Variants in SPACA6 observed in about 807,000 individuals in gnomAD.
The protein encoded by SPACA6 is sperm acrosome membrane-associated protein 6.
For missense variants in SPACA6, 8 were observed against 2.8 expected, an observed-to-expected ratio of 2.88 and a Z score of -1.34; for synonymous variants, 6 against 1.5, an observed-to-expected ratio of 4.05 and a Z score of -2.21.
At chr19:51,709,627 A>AAG (rs1555793772), downstream of SPACA6, among the ~76,000 whole-genome samples, 73 of 151,556 alleles carry the variant, frequency 4.8e-4, no homozygotes, top group East Asian at 1.5e-3. Flanking sequence ...AAAAAAAAAA[A>AAG]AAAAGAAAAG....
At chr19:51,709,353 C>T (rs1290879849), downstream of SPACA6, among the ~76,000 whole-genome samples, 2 of 151,414 alleles carry the variant, frequency 1.3e-5, no homozygotes, top group South Asian at 4.2e-4. Flanking sequence ...CCCCATCTCT[C>T]CTAAAAATAA....
chr19:51,691,989 G>T (rs529489017), upstream of SPACA6, among the ~76,000 whole-genome samples: 11 of 152,308 alleles, frequency 7.2e-5, no homozygotes, highest in South Asian at 2.3e-3. Context: ...TCTCTGGAGT[G>T]GGAGGTGTCA....
rs1479739945 is a variant in SPACA6 at position 51,703,421 on chromosome 19, G to A, written c.573+84G>A. On this transcript the variant is annotated intron_variant, in intron 6 of 8. Transcript: ENST00000637797. The surrounding 1 kb of genome is among the most constrained non-coding windows in gnomAD (Gnocchi z 4.2). ...GGTTGGGGAGTCAGCTTGCGGGGAC[G>A]GGACTCCGGGAATCTCCGTCTAGAC... The A allele has an allele frequency of 2.5e-6, 1 of 398,330 alleles. No homozygotes were observed. Among genetic ancestry groups the A allele is most frequent in the Non-Finnish European group, 4.4e-6 (1 of 225,714 alleles). 24.7% of individuals were successfully genotyped at this position (398,330 alleles called of 1,614,324 possible). A position where few individuals can be genotyped will look rare whatever the true frequency, so the allele number is the denominator to read the frequency against.
intron 2 of SPACA6, among the ~76,000 whole-genome samples, chr19:51,710,633 G>A (rs1017125417): frequency 3.9e-5 from 6 of 152,196 alleles, no homozygotes; most frequent in Admixed American, 3.9e-4. Context: ...GATCTGTTTG[G>A]GAGTCCCGTC....
upstream of SPACA6, chr19:51,687,028 A>G (rs1286327674): frequency 6.6e-6 from 1 of 152,170 alleles, no homozygotes; most frequent in Non-Finnish European, 1.5e-5. Context: ...TGGCTCAGCC[A>G]AGGTGGGAGG....
At chr19:51,710,052 C>G (rs2083535039), downstream of SPACA6, among the ~76,000 whole-genome samples, 1 of 152,162 alleles carries the variant, frequency 6.6e-6, no homozygotes, top group African/African-American at 2.4e-5. Flanking sequence ...AATCCATAAT[C>G]TTAGGTAGCT....
chr19:51,709,961 A>T (rs2083534579), downstream of SPACA6, among the ~76,000 whole-genome samples: 3 of 152,230 alleles, frequency 2.0e-5, no homozygotes, highest in Non-Finnish European at 4.4e-5. Flanking sequence ...AATATTCTAG[A>T]TCTGCACCGT....
At chr19:51,701,931 G>A (rs1161657527) in intron 3 of SPACA6, among the ~76,000 whole-genome samples, 1 of 152,180 alleles carries the variant, frequency 6.6e-6, no homozygotes, top group Non-Finnish European at 1.5e-5. Flanking sequence ...AATTAGCTGG[G>A]CGTGGTAACG....
intron 2 of SPACA6, among the ~76,000 whole-genome samples, 194 bp from the exon 3 acceptor site, chr19:51,701,464 G>A (rs1280018057): frequency 2.0e-5 from 3 of 152,110 alleles, no homozygotes; most frequent in Non-Finnish European, 4.4e-5. Flanking sequence ...GAGGGCGGGT[G>A]ATGAGAAGAG....
In SPACA6 at chr19:51,702,628, G is replaced by A; in HGVS notation, c.362-1G>A. The A allele has an allele frequency of 2.5e-6, 1 of 399,192 alleles. No individual in the cohort carries two copies. The highest frequency in any genetic ancestry group is 4.4e-6 in the Non-Finnish European group (1 of 226,210). 24.7% of individuals were successfully genotyped at this position (399,192 alleles called of 1,614,324 possible). A position where few individuals can be genotyped will look rare whatever the true frequency, so the allele number is the denominator to read the frequency against. On this transcript the variant is annotated splice_acceptor_variant, in intron 3 of 8. Coordinates refer to ENST00000637797, the MANE Select transcript of SPACA6 (RefSeq NM_001316972.2). LOFTEE classifies it high-confidence loss of function. ...TAGTGATGTTTCCTCTTCCTCCACA[G>A]CCCAGGCTTGCATCCCTCCCTGCGG...
upstream of SPACA6, chr19:51,685,689 T>C (rs1041247629): frequency 1.3e-5 from 2 of 152,122 alleles, no homozygotes; most frequent in African/African-American, 4.8e-5. Context: ...GTTTTAAATT[T>C]TTTTATTGTA....
intron 2 of SPACA6, among the ~76,000 whole-genome samples, chr19:51,700,814 A>AGG (rs1454160188): frequency 1.3e-5 from 2 of 152,228 alleles, no homozygotes; most frequent in Non-Finnish European, 2.9e-5. Flanking sequence ...AAAACAGGGA[A>AGG]CTTGGTTAGA....
At position 51,694,076 on chromosome 19, in the gene SPACA6, C is replaced by G. The variant is rs201340350; in HGVS notation, c.214+336C>G. 1.6e-5 allele frequency: 4 copies of G among 251,936 alleles called. No individual in the cohort carries two copies. In the Admixed American group the frequency reaches 1.7e-4, roughly 11 times the overall value. 15.6% of individuals were successfully genotyped at this position (251,936 alleles called of 1,614,324 possible). ...AGTCAGAGAGGGGAGGATGGACACT[C>G]GGGAGGATGGAGAGTCAGGAGGATG... On this transcript the variant is annotated intron_variant, in intron 1 of 8. Coordinates refer to ENST00000637797, the MANE Select transcript of SPACA6 (RefSeq NM_001316972.2).
At chr19:51,702,466 C>T (rs2083476355) in intron 3 of SPACA6, 163 bp from the exon 4 acceptor site, 2 of 393,634 alleles carry the variant, frequency 5.1e-6, no homozygotes, top group Non-Finnish European at 9.0e-6. Flanking sequence ...GCCCCGGCCC[C>T]AGGTGGAACC....
downstream of SPACA6, among the ~76,000 whole-genome samples, chr19:51,705,837 C>T (rs1431723193): frequency 1.3e-5 from 2 of 152,120 alleles, no homozygotes; most frequent in Non-Finnish European, 2.9e-5. Flanking sequence ...GCTGGGATTA[C>T]AGGTGCCCAC....
At chr19:51,692,540 G>C, upstream of SPACA6, 3 of 473,838 alleles carry the variant, frequency 6.3e-6, no homozygotes, top group Non-Finnish European at 1.3e-5. The surrounding 1 kb of genome is among the most constrained non-coding windows in gnomAD (Gnocchi z 5.6). Flanking sequence ...TCCCTGATGA[G>C]GAAGGGGCTG....
chr19:51,709,936 C>T (rs112635527), downstream of SPACA6, among the ~76,000 whole-genome samples: 8 of 152,288 alleles, frequency 5.3e-5, 1 homozygote, highest in African/African-American at 1.9e-4. Context: ...CAGTCAAACC[C>T]TCTGCCATGT....
At chr19:51,694,017 A>G in intron 1 of SPACA6, 1 of 297,374 alleles carries the variant, frequency 3.4e-6, no homozygotes, top group Admixed American at 5.4e-5. Flanking sequence ...AGGAAGATGG[A>G]GACTCGGAAA....
upstream of SPACA6, chr19:51,687,552 G>T (rs1469668996): frequency 6.6e-6 from 1 of 151,342 alleles, no homozygotes; most frequent in Non-Finnish European, 1.5e-5. Context: ...GAAAAGAGGA[G>T]GGTGGTATAT....
Sources: gnomAD v4.1 joint callset for allele counts (sites outside exome capture counted in the v4.1 genomes callset) on GRCh38, gnomAD v4.1.1 for gene constraint, Gnocchi (gnomAD v3.1) non-coding constraint, MANE v1.5 for transcripts, NCBI Gene and HGNC (gene_info 2026-07-23, HGNC 2026-07-21) for gene names.